The following D2HGDH variants were observed in gnomAD, a reference collection of about 807,000 sequenced individuals.
D2HGDH encodes D-2-hydroxyglutarate dehydrogenase, mitochondrial.
D2HGDH carries 31 observed loss-of-function variants against 46.9 expected under a neutral mutation model. The ratio of observed to expected loss-of-function variants is 0.66; its 90% CI spans 0.50 to 0.89. D2HGDH has a LOEUF of 0.89. D2HGDH is among the 40% of genes least tolerant of loss of function. The pLI is 0.00. For synonymous variants in D2HGDH, 364 were observed against 332.6 expected, an observed-to-expected ratio of 1.09 and a Z score of -1.03; for missense variants, 698 against 720.8, an observed-to-expected ratio of 0.97 and a Z score of 0.36.
intron 9 of D2HGDH, among the ~76,000 whole-genome samples, chr2:241,759,309 C>T (rs1698520209): frequency 6.6e-6 from 1 of 152,208 alleles, no homozygotes; most frequent in Non-Finnish European, 1.5e-5. Flanking sequence ...TCTGTTCCTC[C>T]TGTAGCTTTG....
In D2HGDH at chr2:241,767,889, C is replaced by G. The variant is rs1299019644; in HGVS notation, c.1486C>G (p.Gln496Glu). The G allele has an allele frequency of 1.2e-6, 2 of 1,606,440 alleles. No homozygotes were observed. Among genetic ancestry groups the G allele is most frequent in the African/African-American group, 2.7e-5 (2 of 74,756 alleles). Residue 496 changes from glutamine (Q) to glutamate (E), a missense_variant, in exon 10 of 10, where the codon CAG becomes GAG. Physicochemically the swap from Gln to Glu is conservative, Grantham distance 29. Coordinates refer to ENST00000321264, the MANE Select transcript of D2HGDH (RefSeq NM_152783.5). ...LGYSKPPGAL[Q>E]LMQQLKALLD... ...CTACAGCAAGCCACCGGGGGCCCTG[C>G]AGCTCATGCAGCAGCTCAAGGCCCT... is the stretch of plus-strand genomic sequence containing the variant.
intron 9 of D2HGDH, among the ~76,000 whole-genome samples, chr2:241,757,098 G>A (rs541725995): frequency 3.9e-5 from 6 of 152,304 alleles, no homozygotes; most frequent in East Asian, 1.9e-4. Flanking sequence ...CGAAGGTCCC[G>A]TGCTGTCCCA....
At chr2:241,745,488 G>A (rs186932932) in intron 6 of D2HGDH, among the ~76,000 whole-genome samples, 3 of 152,310 alleles carry the variant, frequency 2.0e-5, no homozygotes, top group Admixed American at 6.5e-5. Flanking sequence ...GGGAGGTGGC[G>A]GGTCTAGCTC....
intron 9 of D2HGDH, among the ~76,000 whole-genome samples, chr2:241,764,886 G>C (rs1699144027): frequency 6.6e-6 from 1 of 152,230 alleles, no homozygotes; most frequent in Admixed American, 6.5e-5. Flanking sequence ...GACCCTGGCT[G>C]TCCCCAGCCT....
At chr2:241,759,882 T>C (rs1698579272) in intron 9 of D2HGDH, among the ~76,000 whole-genome samples, 1 of 152,272 alleles carries the variant, frequency 6.6e-6, no homozygotes, top group African/African-American at 2.4e-5. Flanking sequence ...CTGCGTCCAC[T>C]TGTCTGGGCC....
intron 8 of D2HGDH, among the ~76,000 whole-genome samples, chr2:241,753,124 G>A (rs996670915): frequency 8.5e-5 from 13 of 152,334 alleles, no homozygotes; most frequent in Middle Eastern, 3.4e-3. Context: ...TTCCTGGGAC[G>A]GGTTCAGGAG....
At position 241,767,918 on chromosome 2, in the gene D2HGDH, G is replaced by A. The variant is rs376268002; in HGVS notation, c.1515G>A (p.Leu505=). Residue 505 remains leucine, a synonymous_variant, in exon 10 of 10, where the codon CTG becomes CTA. Coordinates refer to ENST00000321264, the MANE Select transcript of D2HGDH (RefSeq NM_152783.5). ...LQLMQQLKAL[L]DPKGILNPYK... ...TCATGCAGCAGCTCAAGGCCCTGCT[G>A]GACCCCAAGGGCATCCTCAACCCCT... The A allele has an allele frequency of 2.1e-4, 343 of 1,601,096 alleles. 1 individual carries two copies. Among genetic ancestry groups the A allele is most frequent in the Non-Finnish European group, 2.8e-4 (328 of 1,174,788 alleles).
chr2:241,753,262 C>T (rs888275950), intron 8 of D2HGDH, among the ~76,000 whole-genome samples: 4 of 152,112 alleles, frequency 2.6e-5, no homozygotes, highest in Admixed American at 6.5e-5. Flanking sequence ...CCCGGATATG[C>T]GGTTGTGTGC....
At chr2:241,741,141 A>G (rs1428172786) in intron 3 of D2HGDH, 51 bp downstream of exon 3, 18 of 1,561,092 alleles carry the variant, frequency 1.2e-5, no homozygotes, top group Non-Finnish European at 1.6e-5. Context: ...CCTGTGGGTC[A>G]TTTCCTCATG....
intron 9 of D2HGDH, among the ~76,000 whole-genome samples, chr2:241,758,222 C>T (rs1698378224): frequency 6.6e-6 from 1 of 152,074 alleles, no homozygotes; most frequent in South Asian, 2.1e-4. Context: ...CACGCTGTTC[C>T]TTTCTTCTGT....
intron 9 of D2HGDH, among the ~76,000 whole-genome samples, chr2:241,760,346 T>C (rs149696261): frequency 2.1e-4 from 9 of 42,636 alleles, no homozygotes; most frequent in East Asian, 7.0e-4. Context: ...TTTGCTACAG[T>C]GTGGGTGGGC....
At chr2:241,747,353 T>A (rs892815120) in intron 6 of D2HGDH, among the ~76,000 whole-genome samples, 1 of 151,886 alleles carries the variant, frequency 6.6e-6, no homozygotes, top group Non-Finnish European at 1.5e-5. Flanking sequence ...TTGTAGGGGT[T>A]CCTAGATGCC....
chr2:241,747,349 G>A (rs899617280), intron 6 of D2HGDH, among the ~76,000 whole-genome samples: 6 of 151,926 alleles, frequency 3.9e-5, no homozygotes, highest in Non-Finnish European at 8.8e-5. Context: ...TTATTTGTAG[G>A]GGTTCCTAGA....
Position 241,751,408 on chromosome 2 carries a change from C to G in D2HGDH, c.1140+20C>G. On this transcript the variant is annotated intron_variant, in intron 8 of 9. Coordinates refer to ENST00000321264, the MANE Select transcript of D2HGDH (RefSeq NM_152783.5). ...GTCAAGGTGCCCTGTGTCCTGCTTG[C>G]AGGTCCCCGCTCTCTGTCCGTCCAG... The G allele has an allele frequency of 6.2e-7, 1 of 1,612,176 alleles. No homozygotes were observed. Among genetic ancestry groups the G allele is most frequent in the South Asian group, 1.1e-5 (1 of 90,924 alleles).
chr2:241,758,769 A>ATGTGTGTGTGTGTGTGTGTGTG (rs558559121), intron 9 of D2HGDH, among the ~76,000 whole-genome samples: 22 of 131,970 alleles, frequency 1.7e-4, no homozygotes, highest in South Asian at 2.7e-4. Context: ...CCCACAATAT[A>ATGTGTGTGTGTGTGTGTGTGTG]TGTGTGTGTG....
At chr2:241,734,947 C>G in intron 1 of D2HGDH, 186 bp from the exon 2 acceptor site, 2 of 404,516 alleles carry the variant, frequency 4.9e-6, no homozygotes, top group East Asian at 3.9e-5. Flanking sequence ...CGAGCCTGCG[C>G]GTCGCTAAGT....
Position 241,742,715 on chromosome 2 carries a change from GC to G in D2HGDH, c.490+143del. ...GCTGGGGAAAGAACCAGCGTCTGTA[GC>G]CTGGCCGCCTAGCCCCACCTCGCCC... On this transcript the variant is annotated intron_variant, in intron 4 of 9. Coordinates refer to ENST00000321264, the MANE Select transcript of D2HGDH (RefSeq NM_152783.5). This position sits in a 1 kb window ranked among gnomAD's most constrained non-coding sequence, Gnocchi z 4.8. The G allele has an allele frequency of 1.8e-6, 2 of 1,098,424 alleles. No homozygotes were observed. The highest frequency in any genetic ancestry group is 2.7e-6 in the Non-Finnish European group (2 of 736,766). 68.0% of individuals were successfully genotyped at this position (1,098,424 alleles called of 1,614,324 possible).
chr2:241,757,612 A>G (rs1178758306), intron 9 of D2HGDH, among the ~76,000 whole-genome samples: 1 of 152,172 alleles, frequency 6.6e-6, no homozygotes, highest in Non-Finnish European at 1.5e-5. Flanking sequence ...TTGGCCACAG[A>G]TAAAGCAGAC....
rs761776907 is a variant in D2HGDH, at chr2:241,767,870, C to T, written c.1467C>T (p.Ser489=). 2 of 1,609,782 alleles carry T rather than the reference C, an allele frequency of 1.2e-6. No homozygotes were observed. The highest frequency in any genetic ancestry group is 2.7e-5 in the African/African-American group (2 of 74,834). Residue 489 remains serine (S), a synonymous_variant, in exon 10 of 10, where the codon AGC becomes AGT. Coordinates refer to ENST00000321264, the MANE Select transcript of D2HGDH (RefSeq NM_152783.5). ...GGAAGAGGGACGTCCTGGGCTACAG[C>T]AAGCCACCGGGGGCCCTGCAGCTCA... ...GFRKRDVLGY[S]KPPGALQLMQ...
Sources: gnomAD v4.1 joint callset for allele counts (sites outside exome capture counted in the v4.1 genomes callset) on GRCh38, gnomAD v4.1.1 for gene constraint, Gnocchi (gnomAD v3.1) non-coding constraint, MANE v1.5 for transcripts, NCBI Gene and HGNC (gene_info 2026-07-23, HGNC 2026-07-21) for gene names.